The following SYTL5 variants were observed in gnomAD, a reference collection of about 807,000 sequenced individuals.
SYTL5 encodes the protein synaptotagmin like 5.
A neutral mutation model predicts 55.9 loss-of-function variants in SYTL5; 34 were observed. That is an observed-to-expected ratio of 0.61 (90% CI 0.46 to 0.81). SYTL5 has a LOEUF of 0.81. Ranked by LOEUF, SYTL5 falls within the 30% of genes least tolerant of loss-of-function variation. SYTL5 has a pLI of 0.00. For synonymous variants in SYTL5, 221 were observed against 188.7 expected (o/e 1.17, Z -1.40); for missense variants, 637 against 546.7 (o/e 1.17, Z -1.65).
In SYTL5 at chrX:38,022,022, C is replaced by T. The variant is rs192712185; in HGVS notation, c.-356-11512C>T. Among the ~76,000 whole-genome samples the T allele has an allele frequency of 3.7e-4, 42 of 112,291 alleles. 1 individual carries two copies. The East Asian group carries it at 0.011, about 30-fold the overall frequency. On this transcript the variant is annotated intron_variant, in intron 1 of 16. Coordinates refer to ENST00000297875, the MANE Select transcript of SYTL5 (RefSeq NM_138780.3). Reference sequence around the variant, plus strand: ...GATAGAATAGTATTTTTGCAAAATACAATTTAAGTAAATTAGCAGATAAAT... The same window carrying T: ...GATAGAATAGTATTTTTGCAAAATATAATTTAAGTAAATTAGCAGATAAAT...
chrX:38,083,887 A>G (rs1228888773), intron 6 of SYTL5, among the ~76,000 whole-genome samples: 1 of 108,075 alleles, frequency 9.3e-6, no homozygotes, highest in Non-Finnish European at 1.9e-5. Flanking sequence ...CCCAACTTCC[A>G]TAGTCCTTGT....
chrX:38,118,271 A>G (rs1602414847), intron 13 of SYTL5, among the ~76,000 whole-genome samples: 1 of 112,110 alleles, frequency 8.9e-6, no homozygotes, highest in Non-Finnish European at 1.9e-5. Context: ...TTTTACTACC[A>G]CCAGCAGGAA....
chrX:38,104,582 C>CA (rs1246275682), intron 10 of SYTL5, among the ~76,000 whole-genome samples: 3 of 111,596 alleles, frequency 2.7e-5, no homozygotes, highest in Non-Finnish European at 5.7e-5. Context: ...GACATGTGAC[C>CA]ACATCACCCA....
chrX:38,024,041 A>G (rs1054241331), intron 1 of SYTL5: 1 of 100,043 alleles, frequency 1.0e-5, no homozygotes, highest in African/African-American at 3.4e-5. Context: ...GACTCTGAGA[A>G]GTTCTGTAGA....
chrX:38,105,030 CATT>C (rs1937172226), intron 10 of SYTL5, among the ~76,000 whole-genome samples: 1 of 112,266 alleles, frequency 8.9e-6, no homozygotes, highest in Non-Finnish European at 1.9e-5. Context: ...ACTGTGGAGT[CATT>C]ATTAAGTAAA....
the SYTL5 span, among the ~76,000 whole-genome samples, chrX:37,944,349 A>G: frequency 9.0e-6 from 1 of 111,445 alleles, no homozygotes; most frequent in South Asian, 3.8e-4. Flanking sequence ...GACATTTGGC[A>G]ATAATTGATG....
At chrX:38,063,996 C>A (rs1255055043) in intron 3 of SYTL5, among the ~76,000 whole-genome samples, 1 of 109,042 alleles carries the variant, frequency 9.2e-6, no homozygotes, top group Non-Finnish European at 1.9e-5. Flanking sequence ...GGATCATGAC[C>A]CATTGGTGGG....
chrX:38,045,292 G>T (rs776679748), intron 2 of SYTL5, among the ~76,000 whole-genome samples: 1 of 112,204 alleles, frequency 8.9e-6, no homozygotes, highest in East Asian at 2.8e-4. Flanking sequence ...TTGCATATAT[G>T]AGCACATTTA....
chrX:38,076,104 T>A (rs2363891), intron 5 of SYTL5, among the ~76,000 whole-genome samples: 32,469 of 110,963 alleles, frequency 0.29, 3,896 homozygotes, highest in African/African-American at 0.42. Flanking sequence ...TTCTAGGCTC[T>A]GGAAATCTGT....
the SYTL5 span, among the ~76,000 whole-genome samples, chrX:37,976,799 C>CAAAA: frequency 2.1e-5 from 1 of 47,160 alleles, no homozygotes; most frequent in Non-Finnish European, 5.2e-5. Context: ...ACTAAAAATA[C>CAAAA]AAAAAAAAAA....
At chrX:38,046,645 C>T (rs1227253728) in intron 2 of SYTL5, among the ~76,000 whole-genome samples, 1 of 111,486 alleles carries the variant, frequency 9.0e-6, no homozygotes, top group African/African-American at 3.3e-5. Flanking sequence ...ATCTCATGTC[C>T]TCACATTTCA....
At chrX:37,946,674 G>A in the SYTL5 span, 9 of 120,912 alleles carry the variant, frequency 7.4e-5, no homozygotes, top group Non-Finnish European at 1.2e-4. Flanking sequence ...TCATCAGAAA[G>A]TATGCTTCTA....
the SYTL5 span, among the ~76,000 whole-genome samples, chrX:37,989,885 A>AT: frequency 1.8e-5 from 2 of 109,493 alleles, no homozygotes; most frequent in East Asian, 5.7e-4. Flanking sequence ...TATTATTATT[A>AT]TTTTTGAGAC....
At chrX:38,020,230 A>C (rs1006021058) in intron 1 of SYTL5, among the ~76,000 whole-genome samples, 2 of 109,522 alleles carry the variant, frequency 1.8e-5, no homozygotes, top group Non-Finnish European at 3.8e-5. Context: ...TTTTTGACAG[A>C]AATGCCATTT....
chrX:37,924,207 A>C, the SYTL5 span, among the ~76,000 whole-genome samples: 1 of 111,817 alleles, frequency 8.9e-6, no homozygotes, highest in East Asian at 2.8e-4. Flanking sequence ...TCCAGTAGCT[A>C]CGTAGGGCAT....
the SYTL5 span, among the ~76,000 whole-genome samples, chrX:37,976,723 C>T: frequency 9.2e-6 from 1 of 108,365 alleles, no homozygotes; most frequent in East Asian, 2.8e-4. Context: ...GTAATCCCAG[C>T]ACTTTGGAAG....
At position 38,098,405 on chromosome X, in the gene SYTL5, T is replaced by C. The variant is rs763761709; in HGVS notation, c.1062+2171T>C. ...GAAAAAGATTTGGATAGACATTTAA[T>C]CAAGAAGATTTACAAATGCCTAATA... On this transcript the variant is annotated intron_variant, in intron 9 of 16. Transcript: ENST00000297875. Among the ~76,000 whole-genome samples, 12 of 111,202 alleles carry C rather than the reference T, an allele frequency of 1.1e-4. 1 individual carries two copies. Among genetic ancestry groups the C allele is most frequent in the Middle Eastern group, 9.2e-3 (2 of 217 alleles).
the SYTL5 span, among the ~76,000 whole-genome samples, chrX:37,929,159 G>T: frequency 8.9e-6 from 1 of 112,359 alleles, no homozygotes; most frequent in Non-Finnish European, 1.9e-5. Flanking sequence ...TTTGGAGTAA[G>T]ACTGCATCTC....
chrX:38,100,667 G>A (rs945789283), intron 9 of SYTL5, among the ~76,000 whole-genome samples: 1 of 111,278 alleles, frequency 9.0e-6, no homozygotes, highest in African/African-American at 3.3e-5. Flanking sequence ...AGGAAGTGGA[G>A]CAAAGGGAAC....
Sources: gnomAD v4.1 joint callset for allele counts (sites outside exome capture counted in the v4.1 genomes callset) on GRCh38, gnomAD v4.1.1 for gene constraint, MANE v1.5 for transcripts, NCBI Gene and HGNC (gene_info 2026-07-23, HGNC 2026-07-21) for gene names.